The following LSAMP variants were observed in gnomAD, a reference collection of about 807,000 sequenced individuals.
LSAMP encodes limbic system-associated membrane protein.
In LSAMP, 7 loss-of-function variants were observed where a neutral mutation model predicts 38.6. The observed-to-expected ratio is 0.18, with a 90% CI of 0.10 to 0.34. The LOEUF is 0.34. Among genes scored for constraint, LSAMP ranks in the 10% least tolerant of loss-of-function variants. The probability of loss-of-function intolerance (pLI) is 1.00; values close to 1 mark genes in which losing one functional copy is unlikely to be tolerated. For missense variants in LSAMP, 313 were observed against 420.0 expected (o/e 0.75, Z 2.23); for synonymous variants, 154 against 166.8 (o/e 0.92, Z 0.59).
intron 1 of LSAMP, among the ~76,000 whole-genome samples, chr3:116,164,733 TATATATATCC>T (rs1390489604): frequency 4.0e-5 from 4 of 100,856 alleles, no homozygotes; most frequent in Non-Finnish European, 5.5e-5. Flanking sequence ...AATCCAAATA[TATATATATCC>T]ATATATATAT....
intron 1 of LSAMP, among the ~76,000 whole-genome samples, chr3:116,226,590 T>C (rs539962546): frequency 6.6e-6 from 1 of 152,368 alleles, no homozygotes; most frequent in South Asian, 2.1e-4. Context: ...ATCAGTGTCA[T>C]TTAACATTGG....
intron 2 of LSAMP, among the ~76,000 whole-genome samples, chr3:116,057,967 A>ACACACACACACCCACC (rs1553699984): frequency 1.4e-5 from 2 of 147,542 alleles, no homozygotes; most frequent in Non-Finnish European, 1.5e-5. Context: ...CCACACACAC[A>ACACACACACACCCACC]CACACACACA....
At chr3:116,083,155 A>C (rs1707908844) in intron 2 of LSAMP, among the ~76,000 whole-genome samples, 1 of 152,206 alleles carries the variant, frequency 6.6e-6, no homozygotes, top group Admixed American at 6.5e-5. Context: ...CTGCAAAGAT[A>C]ATAGGCAACG....
chr3:116,075,291 C>T (rs1050325670), intron 2 of LSAMP, among the ~76,000 whole-genome samples: 32 of 151,806 alleles, frequency 2.1e-4, no homozygotes, highest in African/African-American at 7.5e-4. Flanking sequence ...CACGTGCCAC[C>T]ACTCTTGGCT....
At chr3:116,357,820 C>G (rs977692695) in intron 1 of LSAMP, among the ~76,000 whole-genome samples, 1 of 151,756 alleles carries the variant, frequency 6.6e-6, no homozygotes, top group African/African-American at 2.4e-5. Flanking sequence ...CATCAGTTCA[C>G]TCTTCATTGA....
At chr3:116,321,470 TGCCAAGTA>T (rs1398088977) in intron 1 of LSAMP, among the ~76,000 whole-genome samples, 1 of 152,236 alleles carries the variant, frequency 6.6e-6, no homozygotes, top group Non-Finnish European at 1.5e-5. Context: ...GCTTACCATG[TGCCAAGTA>T]GCATATTAGG....
chr3:115,853,116 C>T (rs973492197), intron 3 of LSAMP, among the ~76,000 whole-genome samples: 5 of 152,226 alleles, frequency 3.3e-5, no homozygotes, highest in African/African-American at 9.6e-5. Flanking sequence ...ATCTATTACA[C>T]CATGCTGCAA....
At chr3:116,443,922 A>G (rs1273785874) in intron 1 of LSAMP, among the ~76,000 whole-genome samples, 2 of 152,176 alleles carry the variant, frequency 1.3e-5, no homozygotes, top group African/African-American at 4.8e-5. Context: ...ATAACCTTGG[A>G]GCATTTTAGA....
At chr3:116,203,979 G>A (rs1576429803) in intron 1 of LSAMP, among the ~76,000 whole-genome samples, 2 of 152,084 alleles carry the variant, frequency 1.3e-5, no homozygotes, top group African/African-American at 2.4e-5. Context: ...TCGCCACGCT[G>A]ACTTCAACAA....
At position 116,026,207 on chromosome 3, in the gene LSAMP, A is replaced by G. The variant is rs191203782; in HGVS notation, c.389-6567T>C. ...CAATGGGGCAGGCTTAAGTAAGATC[A>G]TGACACAGTCAGTCTGGCTCTGCCA... On this transcript the variant is annotated intron_variant, in intron 2 of 6. Coordinates refer to ENST00000490035, the MANE Select transcript of LSAMP (RefSeq NM_002338.5). Among the ~76,000 whole-genome samples the G allele has an allele frequency of 2.2e-3, 338 of 152,294 alleles. 1 individual carries two copies. Among genetic ancestry groups the G allele is most frequent in the South Asian group, 5.0e-3 (24 of 4,820 alleles).
chr3:115,979,157 TAGAG>T (rs1348309185), intron 3 of LSAMP, among the ~76,000 whole-genome samples: 8 of 151,460 alleles, frequency 5.3e-5, no homozygotes, highest in African/African-American at 1.5e-4. Flanking sequence ...AGTGCACAGA[TAGAG>T]AGACTAGACA....
chr3:116,212,314 G>A (rs1414945457), intron 1 of LSAMP, among the ~76,000 whole-genome samples: 1 of 152,124 alleles, frequency 6.6e-6, no homozygotes, highest in Non-Finnish European at 1.5e-5. Context: ...GATGCTAAAG[G>A]TGAAGGTTTC....
At chr3:116,289,411 C>T (rs1042753473) in intron 1 of LSAMP, among the ~76,000 whole-genome samples, 4 of 152,062 alleles carry the variant, frequency 2.6e-5, no homozygotes, top group African/African-American at 9.7e-5. Flanking sequence ...TAACTTAGAA[C>T]AAATTTTTTT....
chr3:115,928,934 T>C (rs996917886), intron 3 of LSAMP, among the ~76,000 whole-genome samples: 7 of 151,852 alleles, frequency 4.6e-5, no homozygotes, highest in Non-Finnish European at 8.8e-5. Context: ...CCTTCTTTTT[T>C]CTATGTGACT....
intron 1 of LSAMP, among the ~76,000 whole-genome samples, chr3:116,260,732 G>A (rs946875396): frequency 4.6e-5 from 7 of 152,134 alleles, no homozygotes; most frequent in African/African-American, 1.7e-4. Flanking sequence ...CTTGGCCTGG[G>A]TCCTCAACCT....
intron 2 of LSAMP, among the ~76,000 whole-genome samples, chr3:116,054,944 C>A (rs1449643493): frequency 6.6e-6 from 1 of 152,054 alleles, no homozygotes; most frequent in Non-Finnish European, 1.5e-5. Context: ...GTTCCAGGTA[C>A]ATGAAAATGT....
At chr3:115,874,099 C>T (rs1284710723) in intron 3 of LSAMP, among the ~76,000 whole-genome samples, 6 of 152,150 alleles carry the variant, frequency 3.9e-5, no homozygotes, top group Admixed American at 3.9e-4. Context: ...CTAATGAAGA[C>T]TTGAATATTG....
At chr3:116,314,581 T>C (rs1490297783) in intron 1 of LSAMP, among the ~76,000 whole-genome samples, 1 of 152,176 alleles carries the variant, frequency 6.6e-6, no homozygotes, top group Non-Finnish European at 1.5e-5. Flanking sequence ...AAATTCACAA[T>C]GGTGTTTGTG....
chr3:116,355,979 G>C (rs1394769557), intron 1 of LSAMP, among the ~76,000 whole-genome samples: 2 of 152,158 alleles, frequency 1.3e-5, no homozygotes, highest in African/African-American at 4.8e-5. Flanking sequence ...CTGTTGGTGA[G>C]AATGTAAATT....
Sources: gnomAD v4.1 joint callset for allele counts (sites outside exome capture counted in the v4.1 genomes callset) on GRCh38, gnomAD v4.1.1 for gene constraint, MANE v1.5 for transcripts, NCBI Gene and HGNC (gene_info 2026-07-23, HGNC 2026-07-21) for gene names.